Variants in FRMD4A observed in about 807,000 individuals in gnomAD.
FRMD4A encodes the protein FERM domain containing 4A, also known as FERM domain-containing protein 4A.
A neutral mutation model predicts 129.1 loss-of-function variants in FRMD4A; 29 were observed. The ratio of observed to expected loss-of-function variants is 0.22; its 90% CI spans 0.17 to 0.31. The LOEUF is 0.31. Ranked by LOEUF, FRMD4A falls within the 10% of genes least tolerant of loss-of-function variation. The probability of loss-of-function intolerance (pLI) is 1.00; values close to 1 mark genes in which losing one functional copy is unlikely to be tolerated. For synonymous variants in FRMD4A, 634 were observed against 571.6 expected (o/e 1.11, Z -1.56); for missense variants, 1,272 against 1,375.8 (o/e 0.92, Z 1.19).
At chr10:13,984,394 G>A (rs534099994) in intron 2 of FRMD4A, among the ~76,000 whole-genome samples, 3 of 152,192 alleles carry the variant, frequency 2.0e-5, no homozygotes, top group African/African-American at 4.8e-5. Context: ...TAAAATATAC[G>A]TAATACAAAC....
At chr10:13,988,717 T>C (rs1040437615) in intron 2 of FRMD4A, among the ~76,000 whole-genome samples, 1 of 152,208 alleles carries the variant, frequency 6.6e-6, no homozygotes, top group Non-Finnish European at 1.5e-5. Context: ...GATAGATAGA[T>C]GGATGAACAG....
At chr10:13,659,262 T>C in intron 21 of FRMD4A, 61 bp downstream of exon 21, 1 of 1,438,618 alleles carries the variant, frequency 7.0e-7, no homozygotes, top group Non-Finnish European at 9.8e-7. Context: ...AGCTTGGGGC[T>C]GACAATGCCC....
intron 4 of FRMD4A, among the ~76,000 whole-genome samples, chr10:13,800,981 G>A (rs2093240224): frequency 6.6e-6 from 1 of 152,218 alleles, no homozygotes; most frequent in Non-Finnish European, 1.5e-5. Flanking sequence ...AGGTACAGTG[G>A]CTCATGCCTG....
intron 3 of FRMD4A, among the ~76,000 whole-genome samples, chr10:13,835,250 T>G (rs957692022): frequency 3.9e-5 from 6 of 152,154 alleles, no homozygotes; most frequent in African/African-American, 1.4e-4. Context: ...TCCTCAACAG[T>G]AGCATGGAGA....
intron 2 of FRMD4A, among the ~76,000 whole-genome samples, chr10:14,319,518 A>G (rs1846893145): frequency 6.6e-6 from 1 of 152,222 alleles, no homozygotes; most frequent in African/African-American, 2.4e-5. Context: ...ACCTGCATCT[A>G]TTAATAGCAA....
At chr10:13,891,914 C>T (rs1285748437) in intron 2 of FRMD4A, among the ~76,000 whole-genome samples, 1 of 147,642 alleles carries the variant, frequency 6.8e-6, no homozygotes, top group Non-Finnish European at 1.5e-5. Flanking sequence ...GTGCGCCCAG[C>T]GCGCCCCGAG....
intron 2 of FRMD4A, among the ~76,000 whole-genome samples, chr10:13,950,185 G>A (rs1317706966): frequency 6.6e-5 from 10 of 152,212 alleles, no homozygotes; most frequent in East Asian, 3.9e-4. Flanking sequence ...CCAGATGAGT[G>A]GCTTTAGGGG....
In FRMD4A at chr10:13,882,591, T is replaced by C. The variant is rs546380178; in HGVS notation, c.46-23679A>G. ...AGTAGCCAAACCCAGAATCAGCCATTTCAAAACCAGATGGACGGACAGGCT... is the reference window on the plus strand; with the variant it reads ...AGTAGCCAAACCCAGAATCAGCCATCTCAAAACCAGATGGACGGACAGGCT... On this transcript the variant is annotated intron_variant, in intron 2 of 24. Transcript: ENST00000357447. 6.6e-5 allele frequency among the ~76,000 whole-genome samples: 10 copies of C among 152,240 alleles called. No homozygotes were observed. The East Asian group carries it at 1.5e-3, about 24-fold the overall frequency.
Position 13,992,464 on chromosome 10 carries a change from T to A in FRMD4A, c.46-133552A>T, listed in dbSNP as rs144158488. ...TGGGTCCTGCCCACCCACCTCCATG[T>A]CCTGCCTAAGTCTCGGGTCACATGG... On this transcript the variant is annotated intron_variant, in intron 2 of 24. Coordinates refer to ENST00000357447, the MANE Select transcript of FRMD4A (RefSeq NM_018027.5). Among the ~76,000 whole-genome samples, 696 of 152,294 alleles carry A rather than the reference T, an allele frequency of 4.6e-3. 4 individuals are homozygous for A. Among genetic ancestry groups the A allele is most frequent in the Middle Eastern group, 0.02 (6 of 294 alleles).
intron 2 of FRMD4A, among the ~76,000 whole-genome samples, chr10:13,884,206 A>ACACTCACACACACTCACACACACT: frequency 1.2e-5 from 1 of 83,400 alleles, no homozygotes; most frequent in East Asian, 3.5e-4. Flanking sequence ...TCACACACAC[A>ACACTCACACACACTCACACACACT]CTCACACACA....
chr10:14,188,140 T>TA (rs1210564043), intron 2 of FRMD4A, among the ~76,000 whole-genome samples: 2 of 152,312 alleles, frequency 1.3e-5, no homozygotes, highest in East Asian at 1.9e-4. Flanking sequence ...GTTTTTCATG[T>TA]AAAAATGACT....
At chr10:13,871,133 C>A in intron 2 of FRMD4A, 1 of 164,334 alleles carries the variant, frequency 6.1e-6, no homozygotes, top group South Asian at 2.0e-4. Flanking sequence ...TGCTTGGGTT[C>A]GCCCTGATGA....
intron 2 of FRMD4A, among the ~76,000 whole-genome samples, chr10:14,066,024 G>GTGTGTGTA (rs1835042463): frequency 6.6e-6 from 1 of 151,512 alleles, no homozygotes; most frequent in Admixed American, 6.6e-5. Context: ...GTGTGTGTGT[G>GTGTGTGTA]TGTGTGTGTG....
intron 2 of FRMD4A, among the ~76,000 whole-genome samples, chr10:14,012,252 C>G (rs1715853602): frequency 6.6e-6 from 1 of 152,058 alleles, no homozygotes; most frequent in Admixed American, 6.5e-5. Context: ...GTTCTAGACT[C>G]TCCGAAGCTG....
intron 2 of FRMD4A, among the ~76,000 whole-genome samples, chr10:13,984,580 C>T (rs984528389): frequency 2.0e-5 from 3 of 152,174 alleles, no homozygotes; most frequent in Admixed American, 2.0e-4. Flanking sequence ...TGCTTTCTGT[C>T]CCTGTCGGTT....
At chr10:13,910,550 C>T (rs1314459798) in intron 2 of FRMD4A, among the ~76,000 whole-genome samples, 2 of 152,232 alleles carry the variant, frequency 1.3e-5, no homozygotes, top group Non-Finnish European at 2.9e-5. Flanking sequence ...CGATGGTTAA[C>T]TGGGACACAG....
At chr10:13,723,183 CTGGTTAGCTAGGTTTTTATGT>C (rs1310492039) in intron 12 of FRMD4A, among the ~76,000 whole-genome samples, 2 of 152,094 alleles carry the variant, frequency 1.3e-5, no homozygotes, top group East Asian at 1.9e-4. Context: ...GGTCTCCAAG[CTGGTTAGCTAGGTTTTTATGT>C]TGGTTAGCTA....
At chr10:13,983,894 T>G (rs1356638264) in intron 2 of FRMD4A, among the ~76,000 whole-genome samples, 1 of 150,738 alleles carries the variant, frequency 6.6e-6, no homozygotes, top group African/African-American at 2.4e-5. Flanking sequence ...TCCCAGCTAC[T>G]CGGGAGGCTG....
chr10:13,788,046 G>A (rs2092911093), intron 5 of FRMD4A, among the ~76,000 whole-genome samples: 1 of 152,246 alleles, frequency 6.6e-6, no homozygotes, highest in Middle Eastern at 3.4e-3. Flanking sequence ...GCTATGTCTC[G>A]GATTCAGAGG....
Sources: gnomAD v4.1 joint callset for allele counts (sites outside exome capture counted in the v4.1 genomes callset) on GRCh38, gnomAD v4.1.1 for gene constraint, MANE v1.5 for transcripts, NCBI Gene and HGNC (gene_info 2026-07-23, HGNC 2026-07-21) for gene names.